KCNV1: variants seen among roughly 807,000 people sequenced by gnomAD.
The protein encoded by KCNV1 is potassium voltage-gated channel modifier subfamily V member 1, also known as potassium voltage-gated channel subfamily V member 1.
In KCNV1, 2 loss-of-function variants were observed where a neutral mutation model predicts 36.4. The observed-to-expected ratio is 0.05, with a 90% CI of 0.02 to 0.17. The LOEUF (loss-of-function observed/expected upper bound fraction) is 0.17. KCNV1 is among the 10% of genes least tolerant of loss of function. KCNV1 has a pLI of 1.00. For synonymous variants in KCNV1, 280 were observed against 261.1 expected (o/e 1.07, Z -0.70); for missense variants, 321 against 643.6 (o/e 0.50, Z 5.42).
chr8:109,970,406 T>C (rs1819995812), intron 3 of KCNV1, among the ~76,000 whole-genome samples: 1 of 152,176 alleles, frequency 6.6e-6, no homozygotes, highest in African/African-American at 2.4e-5. Flanking sequence ...TAGCATGTTA[T>C]CTCTATTAAC....
At position 109,965,603 on chromosome 8, in the gene KCNV1, T is replaced by G. The variant is rs1306967739; in HGVS notation, c.*2485A>C. The G allele has an allele frequency of 6.6e-6, 1 of 152,198 alleles. No homozygotes were observed. Among genetic ancestry groups the G allele is most frequent in the Admixed American group, 6.5e-5 (1 of 15,282 alleles). The allele number at this position is 152,198 out of a possible 1,614,324, so 9.4% of individuals were successfully genotyped here. A position where few individuals can be genotyped will look rare whatever the true frequency, so the allele number is the denominator to read the frequency against. On this transcript the variant is annotated 3_prime_UTR_variant, in exon 4 of 4. Transcript: ENST00000524391. Reference sequence around the variant, plus strand: ...TCCATGATAAAAACATATATACATATGTATACACATAGTTTTTAATTTTTT... The same window carrying G: ...TCCATGATAAAAACATATATACATAGGTATACACATAGTTTTTAATTTTTT...
intron 3 of KCNV1, among the ~76,000 whole-genome samples, chr8:109,971,198 A>G (rs924172348): frequency 1.3e-5 from 2 of 152,212 alleles, no homozygotes; most frequent in Non-Finnish European, 2.9e-5. Context: ...TTAATATGGC[A>G]TCATACTCCA....
In KCNV1 at chr8:109,972,363, T is replaced by G. The variant is rs1027851141; in HGVS notation, c.886A>C (p.Ser296Arg). Residue 296 changes from serine to arginine, a missense_variant, in exon 3 of 4, where the codon AGT becomes CGT. Ser to Arg is a moderately radical substitution (Grantham distance 110). Coordinates refer to ENST00000524391, the MANE Select transcript of KCNV1 (RefSeq NM_014379.4). This position sits in a 1 kb window ranked among gnomAD's most constrained non-coding sequence, Gnocchi z 5.2. ...FYITLLVESL[S>R]GSQTTQELEN... The stretch of plus-strand genomic sequence containing the variant: ...AGCTCCTGCGTGGTCTGGCTCCCAC[T>G]TAGGCTCTCTACCAGAAGAGTGATG... The G allele has an allele frequency of 1.2e-6, 2 of 1,614,118 alleles. No individual in the cohort carries two copies. The highest frequency in any genetic ancestry group is 1.7e-6 in the Non-Finnish European group (2 of 1,180,024).
At position 109,968,744 on chromosome 8, in the gene KCNV1, A is replaced by T. The variant is rs1010726249; in HGVS notation, c.992-145T>A. ...CAGCACTGGGCAATGTTCTGGGGAT[A>T]CAAAGTTGATTAAATCATAATCCTT... is the stretch of plus-strand genomic sequence containing the variant. On this transcript the variant is annotated intron_variant, in intron 3 of 3. Transcript: ENST00000524391. The surrounding 1 kb of genome is among the most constrained non-coding windows in gnomAD (Gnocchi z 5.3). 1.7e-4 allele frequency: 135 copies of T among 775,054 alleles called. No individual in the cohort carries two copies. Among genetic ancestry groups the T allele is most frequent in the Non-Finnish European group, 2.5e-4 (130 of 511,748 alleles). The allele number at this position is 775,054 out of a possible 1,614,324, so 48.0% of individuals were successfully genotyped here. A position where few individuals can be genotyped will look rare whatever the true frequency, so the allele number is the denominator to read the frequency against.
At position 109,974,182 on chromosome 8, in the gene KCNV1, G is replaced by A. The variant is rs1239654965; in HGVS notation, c.207C>T (p.Ala69=). Residue 69 remains alanine, a synonymous_variant, in exon 2 of 4, where the codon GCC becomes GCT. Coordinates refer to ENST00000524391, the MANE Select transcript of KCNV1 (RefSeq NM_014379.4). This position sits in a 1 kb window ranked among gnomAD's most constrained non-coding sequence, Gnocchi z 6.2. ...GGCGGCGGTAGGAAGCCACCACCAC[G>A]GCCAGCTTGCCAAGGCGCGTGTGCG... ...CFPHTRLGKL[A]VVVASYRRPG... is the part of the protein sequence containing the mutation. 6.3e-7 allele frequency: 1 copy of A among 1,595,752 alleles called. No homozygotes were observed.
In KCNV1 at chr8:109,974,423, A is replaced by G; in HGVS notation, c.-35T>C. ...AGTCGCCGCGGCCTGAGGGCGCCAC[A>G]AAGTTGGGGACACGCCGGAAGCTTT... is the stretch of plus-strand genomic sequence containing the variant. On this transcript the variant is annotated 5_prime_UTR_variant, in exon 2 of 4. Coordinates refer to ENST00000524391, the MANE Select transcript of KCNV1 (RefSeq NM_014379.4). This position sits in a 1 kb window ranked among gnomAD's most constrained non-coding sequence, Gnocchi z 6.2. The G allele has an allele frequency of 2.2e-6, 3 of 1,394,504 alleles. No individual in the cohort carries two copies. The highest frequency in any genetic ancestry group is 2.5e-5 in the East Asian group (1 of 39,846). The allele number at this position is 1,394,504 out of a possible 1,614,324, so 86.4% of individuals were successfully genotyped here. A position where few individuals can be genotyped will look rare whatever the true frequency, so the allele number is the denominator to read the frequency against.
chr8:109,969,153 A>G (rs1381738884), intron 3 of KCNV1, among the ~76,000 whole-genome samples: 1 of 152,238 alleles, frequency 6.6e-6, no homozygotes, highest in Non-Finnish European at 1.5e-5. Flanking sequence ...AATGGGCACC[A>G]TAGCAACAAA....
At chr8:109,973,225 A>C (rs1244301707) in intron 2 of KCNV1, among the ~76,000 whole-genome samples, 3 of 151,976 alleles carry the variant, frequency 2.0e-5, no homozygotes, top group Non-Finnish European at 4.4e-5. Context: ...CAAGTGATCC[A>C]CCCGCCTCGG....
Position 109,974,047 on chromosome 8 carries a change from C to T in KCNV1, c.342G>A (p.Leu114=). The part of the protein sequence containing the change: ...DRSSQAFRYV[L]HYYRTGRLHV... ...GCAGGCGGCCGGTGCGGTAGTAGTG[C>T]AGGACATATCGGAACGCCTGCGAGC... The change falls in exon 2 of 4, where the codon CTG becomes CTA. Residue 114 remains leucine (L), a synonymous_variant. Coordinates refer to ENST00000524391, the MANE Select transcript of KCNV1 (RefSeq NM_014379.4). The surrounding 1 kb of genome is among the most constrained non-coding windows in gnomAD (Gnocchi z 6.2). The T allele has an allele frequency of 6.2e-7, 1 of 1,613,378 alleles. No individual in the cohort carries two copies. Among genetic ancestry groups the T allele is most frequent in the Non-Finnish European group, 8.5e-7 (1 of 1,179,916 alleles).
rs758772105 is a variant in KCNV1 at position 109,972,888 on chromosome 8, A to G, written c.462-101T>C. On this transcript the variant is annotated intron_variant, in intron 2 of 3. Transcript: ENST00000524391. The surrounding 1 kb of genome is among the most constrained non-coding windows in gnomAD (Gnocchi z 5.2). ...GGAGGTCAGACTTTTTCATTCAACA[A>G]AATGCAGAAAAATGTCTATTCATAT... 1 of 807,620 alleles carries G rather than the reference A, an allele frequency of 1.2e-6. No homozygotes were observed. Among genetic ancestry groups the G allele is most frequent in the Non-Finnish European group, 1.9e-6 (1 of 514,008 alleles). 50.0% of individuals were successfully genotyped at this position (807,620 alleles called of 1,614,324 possible).
At position 109,974,769 on chromosome 8, in the gene KCNV1, A is replaced by G; in HGVS notation, c.-381T>C. The G allele has an allele frequency of 4.1e-6, 1 of 246,418 alleles. No homozygotes were observed. The allele number at this position is 246,418 out of a possible 1,614,324, so 15.3% of individuals were successfully genotyped here. ...TCGCAATTGCGATTCCCAGCCCAGG[A>G]GGTGTACAGATTGAATGACTCGCTA... On this transcript the variant is annotated 5_prime_UTR_variant, in exon 2 of 4. Transcript: ENST00000524391. The surrounding 1 kb of genome is among the most constrained non-coding windows in gnomAD (Gnocchi z 6.2).
rs549146220 is a variant in KCNV1, at chr8:109,963,810, A to T, written c.*4278T>A. 1 of 152,344 alleles carries T rather than the reference A, an allele frequency of 6.6e-6. No homozygotes were observed. Among genetic ancestry groups the T allele is most frequent in the East Asian group, 1.9e-4 (1 of 5,192 alleles). The allele number at this position is 152,344 out of a possible 1,614,324, so 9.4% of individuals were successfully genotyped here. On this transcript the variant is annotated 3_prime_UTR_variant, in exon 4 of 4. Transcript: ENST00000524391. ...TTCTTGTATGTTATAGAAATAATAT[A>T]TACATAAAATAAAATATGAATATGT... is the stretch of plus-strand genomic sequence containing the variant.
At chr8:109,969,776 C>T (rs939855885) in intron 3 of KCNV1, among the ~76,000 whole-genome samples, 2 of 149,374 alleles carry the variant, frequency 1.3e-5, no homozygotes, top group African/African-American at 4.9e-5. Context: ...ACCTGGGAGG[C>T]GAAGGTTGCA....
rs1432788476 is a variant in KCNV1 at position 109,974,362 on chromosome 8, C to T, written c.27G>A (p.Leu9=). 3.3e-6 allele frequency: 5 copies of T among 1,511,426 alleles called. No individual in the cohort carries two copies. The highest frequency in any genetic ancestry group is 4.4e-6 in the Non-Finnish European group (5 of 1,136,164). The allele number at this position is 1,511,426 out of a possible 1,614,324, so 93.6% of individuals were successfully genotyped here. The part of the protein sequence containing the change: MPSSGRAL[L]DSPLDSGSLT... ...GGGAGCCGCTGTCCAGCGGCGAGTC[C>T]AGCAGCGCTCTGCCGCTGGAAGGCA... Residue 9 remains leucine, a synonymous_variant, in exon 2 of 4, where the codon CTG becomes CTA. Coordinates refer to ENST00000524391, the MANE Select transcript of KCNV1 (RefSeq NM_014379.4). The surrounding 1 kb of genome is among the most constrained non-coding windows in gnomAD (Gnocchi z 6.2).
intron 2 of KCNV1, among the ~76,000 whole-genome samples, chr8:109,973,233 C>T (rs183559488): frequency 1.3e-5 from 2 of 152,278 alleles, no homozygotes; most frequent in African/African-American, 4.8e-5. Context: ...CCACCCGCCT[C>T]GGCCTCCCAA....
At chr8:109,973,812 T>A in intron 2 of KCNV1, 116 bp downstream of exon 2, 3 of 357,100 alleles carry the variant, frequency 8.4e-6, no homozygotes, top group Non-Finnish European at 1.5e-5. Context: ...GGCCACACCT[T>A]ATTGCTAGGC....
At position 109,968,684 on chromosome 8, in the gene KCNV1, C is replaced by A; in HGVS notation, c.992-85G>T. ...CCCTCCCCTCTCCCTCCTTGCTCTG[C>A]CACCCACAAACTGCACTGCACACTT... On this transcript the variant is annotated intron_variant, in intron 3 of 3. Coordinates refer to ENST00000524391, the MANE Select transcript of KCNV1 (RefSeq NM_014379.4). The surrounding 1 kb of genome is among the most constrained non-coding windows in gnomAD (Gnocchi z 5.3). 2 of 1,411,588 alleles carry A rather than the reference C, an allele frequency of 1.4e-6. No individual in the cohort carries two copies. Among genetic ancestry groups the A allele is most frequent in the South Asian group, 1.3e-5 (1 of 75,098 alleles). 87.4% of individuals were successfully genotyped at this position (1,411,588 alleles called of 1,614,324 possible). A position where few individuals can be genotyped will look rare whatever the true frequency, so the allele number is the denominator to read the frequency against.
chr8:109,967,989 A>T lies in KCNV1; in HGVS notation c.*99T>A, dbSNP rs1040991764. ...GCAAAAATTAATTAAGATGAGCAGT[A>T]CTCTGAAGAGACTCATCATCAGAAT... is the stretch of plus-strand genomic sequence containing the variant. On this transcript the variant is annotated 3_prime_UTR_variant, in exon 4 of 4. Transcript: ENST00000524391. 4 of 1,162,906 alleles carry T rather than the reference A, an allele frequency of 3.4e-6. No homozygotes were observed. The Admixed American group carries it at 1.0e-4, about 30-fold the overall frequency. 72.0% of individuals were successfully genotyped at this position (1,162,906 alleles called of 1,614,324 possible). A position where few individuals can be genotyped will look rare whatever the true frequency, so the allele number is the denominator to read the frequency against.
In KCNV1 at chr8:109,974,230, C is replaced by T. The variant is rs140779438; in HGVS notation, c.159G>A (p.Ser53=). The change falls in exon 2 of 4, where the codon TCG becomes TCA. Residue 53 remains serine, a synonymous_variant. Transcript: ENST00000524391. The surrounding 1 kb of genome is among the most constrained non-coding windows in gnomAD (Gnocchi z 6.2). ...GCGGGAAGCAGGACAGCGCCTGCTG[C>T]GAGAGCACGAAGCGGCTGCCGCCCA... is the stretch of plus-strand genomic sequence containing the variant. ...VNVGGSRFVL[S]QQALSCFPHT... 2.5e-6 allele frequency: 4 copies of T among 1,571,196 alleles called. No homozygotes were observed. The highest frequency in any genetic ancestry group is 1.9e-5 in the Admixed American group (1 of 53,958).
Sources: gnomAD v4.1 joint callset for allele counts (sites outside exome capture counted in the v4.1 genomes callset) on GRCh38, gnomAD v4.1.1 for gene constraint, Gnocchi (gnomAD v3.1) non-coding constraint, MANE v1.5 for transcripts, NCBI Gene and HGNC (gene_info 2026-07-23, HGNC 2026-07-21) for gene names.